The following SUGCT variants were observed in gnomAD, a reference collection of about 807,000 sequenced individuals.
SUGCT encodes the protein succinyl-CoA:glutarate CoA-transferase.
In SUGCT, 41 loss-of-function variants were observed where a neutral mutation model predicts 55.0. That is an observed-to-expected ratio of 0.74 (90% CI 0.58 to 0.97). The LOEUF (loss-of-function observed/expected upper bound fraction) is 0.97, where lower values mean the gene tolerates loss of function less well. Ranked by LOEUF, SUGCT falls within the 50% of genes least tolerant of loss-of-function variation. SUGCT has a pLI of 0.00. For synonymous variants in SUGCT, 187 were observed against 200.4 expected, an observed-to-expected ratio of 0.93 and a Z score of 0.56; for missense variants, 568 against 547.8, an observed-to-expected ratio of 1.04 and a Z score of -0.37.
intron 7 of SUGCT, among the ~76,000 whole-genome samples, chr7:40,254,442 G>T (rs1444000002): frequency 1.3e-5 from 2 of 152,036 alleles, no homozygotes; most frequent in African/African-American, 4.8e-5. Flanking sequence ...CTGTCGCCCA[G>T]GCTGGAGTGC....
intron 11 of SUGCT, among the ~76,000 whole-genome samples, chr7:40,467,678 T>G (rs1790194330): frequency 6.6e-6 from 1 of 152,186 alleles, no homozygotes. Context: ...TTTTTTTTTC[T>G]GCCAAACTGT....
intron 12 of SUGCT, among the ~76,000 whole-genome samples, chr7:40,633,175 C>A (rs997435559): frequency 6.6e-6 from 1 of 152,286 alleles, no homozygotes; most frequent in South Asian, 2.1e-4. Context: ...ATATCTTACT[C>A]ATTCTTTTTA....
intron 12 of SUGCT, among the ~76,000 whole-genome samples, chr7:40,737,129 T>C (rs1787202950): frequency 6.6e-6 from 1 of 152,330 alleles, no homozygotes; most frequent in African/African-American, 2.4e-5. Flanking sequence ...AGGATGTTTA[T>C]ATTTTCTAGG....
intron 1 of SUGCT, among the ~76,000 whole-genome samples, chr7:40,161,752 G>A (rs187606081): frequency 2.6e-3 from 389 of 152,212 alleles, no homozygotes; most frequent in Middle Eastern, 0.017. Context: ...CTAACTTCAG[G>A]ATGGCCCGTT....
chr7:40,312,925 T>G (rs1795240062), intron 8 of SUGCT, among the ~76,000 whole-genome samples: 1 of 152,202 alleles, frequency 6.6e-6, no homozygotes, highest in Non-Finnish European at 1.5e-5. Context: ...TTGGTTGTCC[T>G]TTTGGAGATG....
At position 40,643,431 on chromosome 7, in the gene SUGCT, G is replaced by A. The variant is rs114612516; in HGVS notation, c.1090-106003G>A. Among the ~76,000 whole-genome samples the A allele has an allele frequency of 2.8e-3, 427 of 152,250 alleles. 2 individuals are homozygous for A. The highest frequency in any genetic ancestry group is 9.7e-3 in the African/African-American group (404 of 41,540). ...TCTGGAAACTATAGTGTGAAGTGCC[G>A]GGTTCCTCTGAGTTGCTTTTGGATG... On this transcript the variant is annotated intron_variant, in intron 12 of 13. Transcript: ENST00000335693.
At chr7:40,440,416 C>T (rs1227671929) in intron 9 of SUGCT, among the ~76,000 whole-genome samples, 1 of 151,952 alleles carries the variant, frequency 6.6e-6, no homozygotes, top group Admixed American at 6.6e-5. Flanking sequence ...CTGCCTTGGC[C>T]TCCCAAAGTG....
chr7:40,366,914 G>T (rs1190620303), intron 9 of SUGCT, among the ~76,000 whole-genome samples: 1 of 152,070 alleles, frequency 6.6e-6, no homozygotes, highest in Non-Finnish European at 1.5e-5. Context: ...CCCATTACTG[G>T]GTATATACCC....
chr7:40,793,360 G>C (rs1790405416), intron 13 of SUGCT: 1 of 151,988 alleles, frequency 6.6e-6, no homozygotes, highest in African/African-American at 2.4e-5. Flanking sequence ...TCATTTCATT[G>C]GTCAGCTTCT....
the SUGCT span, among the ~76,000 whole-genome samples, chr7:41,019,348 C>T: frequency 6.6e-6 from 1 of 152,122 alleles, no homozygotes; most frequent in African/African-American, 2.4e-5. Flanking sequence ...TATGTTAAGA[C>T]CTTCAGTTCT....
intron 9 of SUGCT, among the ~76,000 whole-genome samples, chr7:40,399,596 T>C (rs1334482733): frequency 1.3e-5 from 2 of 152,294 alleles, no homozygotes; most frequent in East Asian, 1.9e-4. Context: ...CGTACCAAAA[T>C]TTAGGAATTG....
intron 9 of SUGCT, among the ~76,000 whole-genome samples, chr7:40,441,785 G>A (rs1788528629): frequency 6.6e-6 from 1 of 152,170 alleles, no homozygotes; most frequent in Non-Finnish European, 1.5e-5. Context: ...CATTTCTCAA[G>A]TCAGCCTCCC....
At chr7:40,945,305 C>G in the SUGCT span, among the ~76,000 whole-genome samples, 2 of 152,270 alleles carry the variant, frequency 1.3e-5, no homozygotes, top group East Asian at 3.9e-4. Context: ...ATCCAGTGTT[C>G]TAGCTATTCA....
At chr7:40,250,657 A>T (rs1043323483) in intron 7 of SUGCT, among the ~76,000 whole-genome samples, 4 of 152,044 alleles carry the variant, frequency 2.6e-5, no homozygotes, top group Non-Finnish European at 5.9e-5. Context: ...GCAAATAAGT[A>T]TACAATTTAA....
chr7:40,342,244 T>C (rs1797091179), intron 9 of SUGCT, among the ~76,000 whole-genome samples: 1 of 152,212 alleles, frequency 6.6e-6, no homozygotes, highest in African/African-American at 2.4e-5. Context: ...CTTTCTGTAA[T>C]TCATAGAACA....
chr7:40,246,547 G>A (rs1440007238), intron 7 of SUGCT, among the ~76,000 whole-genome samples: 2 of 151,662 alleles, frequency 1.3e-5, no homozygotes, highest in African/African-American at 2.4e-5. Flanking sequence ...CACCTCACCC[G>A]GCCTAGTGTG....
chr7:40,533,663 A>G (rs1285791292), intron 12 of SUGCT, among the ~76,000 whole-genome samples: 3 of 152,140 alleles, frequency 2.0e-5, no homozygotes, highest in Non-Finnish European at 2.9e-5. Context: ...TAGGCAAAAC[A>G]TAAATTCTGA....
the SUGCT span, among the ~76,000 whole-genome samples, chr7:40,963,190 T>G: frequency 6.0e-5 from 9 of 149,750 alleles, no homozygotes; most frequent in African/African-American, 7.4e-5. Context: ...AGAATATTGG[T>G]TTTTTTTTTG....
the SUGCT span, among the ~76,000 whole-genome samples, chr7:40,870,882 G>T: frequency 1.3e-5 from 2 of 151,952 alleles, 1 homozygote; most frequent in South Asian, 4.2e-4. Context: ...TGCTTAAATT[G>T]TCACAGATCT....
Sources: gnomAD v4.1 joint callset for allele counts (sites outside exome capture counted in the v4.1 genomes callset) on GRCh38, gnomAD v4.1.1 for gene constraint, MANE v1.5 for transcripts, NCBI Gene and HGNC (gene_info 2026-07-23, HGNC 2026-07-21) for gene names.